Variants in MYOCOS observed in about 807,000 individuals in gnomAD.
MYOCOS encodes the protein myocilin opposite strand, also known as myocilin opposite strand protein.
At chr1:171,625,826 T>C (rs1177747858) in intron 2 of MYOCOS, among the ~76,000 whole-genome samples, 2 of 152,076 alleles carry the variant, frequency 1.3e-5, no homozygotes, top group Non-Finnish European at 2.9e-5. Flanking sequence ...AGAAAGCTAA[T>C]TGATGGGAAG....
intron 1 of MYOCOS, among the ~76,000 whole-genome samples, chr1:171,614,252 TGGTGTTA>T (rs891413752): frequency 4.0e-4 from 61 of 152,282 alleles, no homozygotes; most frequent in African/African-American, 1.5e-3. Flanking sequence ...CTGATACAAA[TGGTGTTA>T]GGTCAAGTTT....
At chr1:171,620,846 T>C (rs1482349280), upstream of MYOCOS, among the ~76,000 whole-genome samples, 9 of 147,474 alleles carry the variant, frequency 6.1e-5, no homozygotes, top group Admixed American at 4.2e-4. Flanking sequence ...CTTGGCTCAC[T>C]GCAACCTCTG....
chr1:171,620,491 C>T (rs750653576), upstream of MYOCOS, among the ~76,000 whole-genome samples: 7 of 152,134 alleles, frequency 4.6e-5, no homozygotes, highest in Non-Finnish European at 8.8e-5. Flanking sequence ...CTTCCAGACC[C>T]TCCCAATCCT....
Position 171,626,653 on chromosome 1 carries a change from T to A in MYOCOS, c.*52T>A, listed in dbSNP as rs1652711595. 7.5e-6 allele frequency: 3 copies of A among 398,314 alleles called. No individual in the cohort carries two copies. The Admixed American group carries it at 1.3e-4, about 18-fold the overall frequency. The allele number at this position is 398,314 out of a possible 1,614,324, so 24.7% of individuals were successfully genotyped here. On this transcript the variant is annotated 3_prime_UTR_variant, in exon 3 of 3. Coordinates refer to ENST00000637642, the MANE Select transcript of MYOCOS (RefSeq NM_001391940.1). ...TCTTACACAGAACTCCAGAAAACAG[T>A]TTCAGTGGCATTCTTGAGGTTTGTC...
chr1:171,610,302 T>C lies in MYOCOS; in HGVS notation c.-251-4496T>C, dbSNP rs188994747. 4.6e-5 allele frequency among the ~76,000 whole-genome samples: 7 copies of C among 152,308 alleles called. No homozygotes were observed. The East Asian group carries it at 1.4e-3, about 29-fold the overall frequency. ...ATCATCTCCAAGTTGGTACCTCAAT[T>C]GTATCTTCAAAGGTCATTCCATTAT... On this transcript the variant is annotated intron_variant, in intron 1 of 3. Transcript: ENST00000636697.
Position 171,605,394 on chromosome 1 carries a change from C to CACACACAA in MYOCOS, c.-252+4315_-252+4316insCACACAAA, listed in dbSNP as rs376886204. 6.2e-3 allele frequency among the ~76,000 whole-genome samples: 785 copies of CACACACAA among 127,472 alleles called. 6 individuals carry two copies. The highest frequency in any genetic ancestry group is 0.023 in the South Asian group (94 of 4,012). The allele number at this position is 127,472 out of a possible 152,430, so 83.6% of individuals were successfully genotyped here. On this transcript the variant is annotated intron_variant, in intron 1 of 3. Coordinates refer to the MYOCOS transcript ENST00000636697. ...AGTACCACACACACACACACACACA[C>CACACACAA]AAAAAAAAAAAAACAGTTACATGAT...
At chr1:171,622,028 G>A (rs1304265593), upstream of MYOCOS, among the ~76,000 whole-genome samples, 8 of 152,110 alleles carry the variant, frequency 5.3e-5, no homozygotes, top group Non-Finnish European at 2.9e-5. Context: ...GATCAAAAGT[G>A]GGAGTTGCAC....
chr1:171,618,815 A>G (rs989697563), upstream of MYOCOS, among the ~76,000 whole-genome samples: 1 of 152,146 alleles, frequency 6.6e-6, no homozygotes, highest in African/African-American at 2.4e-5. Context: ...ACCTTGGGTG[A>G]TCTGCCCGCC....
At chr1:171,615,938 C>T (rs961547005) in intron 2 of MYOCOS, among the ~76,000 whole-genome samples, 2 of 151,494 alleles carry the variant, frequency 1.3e-5, no homozygotes, top group African/African-American at 2.4e-5. Context: ...AAATGAGGGG[C>T]CAGGCACAGT....
chr1:171,613,179 C>T (rs1486107625), intron 1 of MYOCOS, among the ~76,000 whole-genome samples: 2 of 152,160 alleles, frequency 1.3e-5, no homozygotes, highest in Non-Finnish European at 1.5e-5. Flanking sequence ...CATTACTATA[C>T]ACTTGCCATG....
chr1:171,614,540 G>T (rs1040361635), intron 1 of MYOCOS, among the ~76,000 whole-genome samples: 1 of 152,152 alleles, frequency 6.6e-6, no homozygotes, highest in Non-Finnish European at 1.5e-5. Flanking sequence ...TTTGTTGCAG[G>T]CTAGCCTTTA....
chr1:171,608,105 A>G (rs1342039842), intron 1 of MYOCOS, among the ~76,000 whole-genome samples: 2 of 152,150 alleles, frequency 1.3e-5, no homozygotes, highest in African/African-American at 4.8e-5. Context: ...ATTATCTCCC[A>G]CCGGGTCCCT....
At chr1:171,614,148 A>G (rs1475266640) in intron 1 of MYOCOS, among the ~76,000 whole-genome samples, 5 of 152,204 alleles carry the variant, frequency 3.3e-5, no homozygotes, top group Non-Finnish European at 5.9e-5. Context: ...TTGCCAAGGG[A>G]TATTAATGTT....
chr1:171,603,258 AG>A (rs1652178441), intron 1 of MYOCOS, among the ~76,000 whole-genome samples: 1 of 152,208 alleles, frequency 6.6e-6, no homozygotes, highest in Non-Finnish European at 1.5e-5. Context: ...TCAACCAGTC[AG>A]CCCTTGTTCC....
rs190225727 is a variant in MYOCOS, at chr1:171,625,662, C to T, written c.96-792C>T. 1.4e-3 allele frequency among the ~76,000 whole-genome samples: 213 copies of T among 152,276 alleles called. 1 individual carries two copies. The highest frequency in any genetic ancestry group is 2.6e-3 in the Non-Finnish European group (174 of 68,034). On this transcript the variant is annotated intron_variant, in intron 2 of 2. Transcript: ENST00000637642. Reference sequence around the variant, plus strand: ...CTCCAGCAGAAGGGGAGGCGAACCCCACAGCCTGGGGATGGGGGCAAGTTA... The same window carrying T: ...CTCCAGCAGAAGGGGAGGCGAACCCTACAGCCTGGGGATGGGGGCAAGTTA...
chr1:171,601,325 C>A (rs1015896919), intron 1 of MYOCOS, among the ~76,000 whole-genome samples: 24 of 152,168 alleles, frequency 1.6e-4, no homozygotes, highest in African/African-American at 5.5e-4. Context: ...TTGCTGGACA[C>A]TTTGGTTTTA....
chr1:171,624,151 A>G (rs1652633268), intron 2 of MYOCOS, among the ~76,000 whole-genome samples, 173 bp downstream of exon 2: 1 of 152,204 alleles, frequency 6.6e-6, no homozygotes, highest in African/African-American at 2.4e-5. Context: ...TGTGGAAAAC[A>G]GACTTTTCCC....
chr1:171,612,698 C>T (rs752978365), intron 1 of MYOCOS, among the ~76,000 whole-genome samples: 9 of 152,130 alleles, frequency 5.9e-5, no homozygotes, highest in South Asian at 2.1e-4. Flanking sequence ...GCCGTGGTGG[C>T]GCATGCCTGT....
At chr1:171,618,825 C>T (rs1240922596), upstream of MYOCOS, among the ~76,000 whole-genome samples, 1 of 152,192 alleles carries the variant, frequency 6.6e-6, no homozygotes, top group East Asian at 1.9e-4. Flanking sequence ...ATCTGCCCGC[C>T]TTGGCCTCTC....
Sources: gnomAD v4.1 joint callset for allele counts (sites outside exome capture counted in the v4.1 genomes callset) on GRCh38, gnomAD v4.1.1 for gene constraint, MANE v1.5 for transcripts, NCBI Gene and HGNC (gene_info 2026-07-23, HGNC 2026-07-21) for gene names.